FDX2: variants seen among roughly 807,000 people sequenced by gnomAD.
FDX2 encodes the protein ferredoxin 2, also known as ferredoxin-2, mitochondrial.
In FDX2, 13 loss-of-function variants were observed where a neutral mutation model predicts 18.5. That is an observed-to-expected ratio of 0.70 (90% confidence interval 0.46 to 1.12). FDX2 has a LOEUF of 1.12. FDX2 is among the 50% of genes most tolerant of loss of function. FDX2 has a pLI of 0.00. For synonymous variants in FDX2, 132 were observed against 106.2 expected, an observed-to-expected ratio of 1.24 and a Z score of -1.49; for missense variants, 238 against 250.4, an observed-to-expected ratio of 0.95 and a Z score of 0.34.
Position 10,310,496 on chromosome 19 carries a change from T to C in FDX2, c.551A>G (p.Lys184Arg). 3.1e-6 allele frequency: 5 copies of C among 1,614,154 alleles called. No individual in the cohort carries two copies. The highest frequency in any genetic ancestry group is 1.6e-4 in the Middle Eastern group (1 of 6,062). ...GTCCAGGTGTTCATGTCAGTGGGGC[T>C]TGGGGACATGGCCATCCACGTAGAA... The change falls in exon 5 of 5, where the codon AAG (lysine) becomes AGG (arginine). Residue 184 changes from lysine (K) to arginine (R), a missense_variant. Physicochemically the swap from Lys to Arg is conservative, Grantham distance 26 (BLOSUM62 2). Coordinates refer to ENST00000393708, the MANE Select transcript of FDX2 (RefSeq NM_001031734.4).
In FDX2 at chr19:10,310,339, C is replaced by T; in HGVS notation, c.*147G>A. The T allele has an allele frequency of 8.7e-7, 1 of 1,150,822 alleles. No homozygotes were observed. 71.3% of individuals were successfully genotyped at this position (1,150,822 alleles called of 1,614,324 possible). A position where few individuals can be genotyped will look rare whatever the true frequency, so the allele number is the denominator to read the frequency against. On this transcript the variant is annotated 3_prime_UTR_variant, in exon 5 of 5. Coordinates refer to ENST00000393708, the MANE Select transcript of FDX2 (RefSeq NM_001031734.4). ...TCCCCACCAGAGCCTGGACATGGGA[C>T]TCTCTCCCAAGCAGGGGTGTTGTCC...
intron 3 of FDX2, 56 bp from the exon 4 acceptor site, chr19:10,310,996 C>T: frequency 7.4e-7 from 1 of 1,344,506 alleles, no homozygotes; most frequent in African/African-American, 1.4e-5. Context: ...GAAGGGGCTG[C>T]TATGCGAATG....
In FDX2 at chr19:10,315,868, T is replaced by G. The variant is rs772798670; in HGVS notation, c.138A>C (p.Arg46Ser). ...CCCAGGTACCTGTCGCTTGAAACTT[T>G]CTGGTTGTCCCCAGCGCCACCCCCT... The change falls in exon 1 of 5, where the codon AGA (arginine) becomes AGC (serine). Residue 46 changes from arginine to serine, a missense_variant. Transcript: ENST00000393708. The G allele has an allele frequency of 6.2e-7, 1 of 1,600,762 alleles. No homozygotes were observed. Among genetic ancestry groups the G allele is most frequent in the Non-Finnish European group, 8.5e-7 (1 of 1,175,762 alleles).
At chr19:10,311,000 G>T in intron 3 of FDX2, 60 bp from the exon 4 acceptor site, 3 of 1,296,646 alleles carry the variant, frequency 2.3e-6, no homozygotes, top group Non-Finnish European at 3.3e-6. Flanking sequence ...GGGCTGCTAT[G>T]CGAATGGCGT....
intron 1 of FDX2, 38 bp downstream of exon 1, chr19:10,315,814 G>C (rs756513776): frequency 6.2e-7 from 1 of 1,600,314 alleles, no homozygotes; most frequent in Non-Finnish European, 8.5e-7. Flanking sequence ...GCCGGCATCT[G>C]ACGGATTAAC....
At chr19:10,310,786 G>A in intron 4 of FDX2, 67 bp downstream of exon 4, 2 of 1,548,698 alleles carry the variant, frequency 1.3e-6, no homozygotes, top group South Asian at 2.3e-5. Context: ...TGGAAGTGGG[G>A]AGGATGGTGG....
chr19:10,310,876 A>G lies in FDX2; in HGVS notation c.381T>C (p.Asp127=). 1 of 1,613,854 alleles carries G rather than the reference A, an allele frequency of 6.2e-7. No individual in the cohort carries two copies. The highest frequency in any genetic ancestry group is 8.5e-7 in the Non-Finnish European group (1 of 1,179,934). The change falls in exon 4 of 5, where the codon GAT becomes GAC. Residue 127 remains aspartate, a synonymous_variant. Coordinates refer to ENST00000393708, the MANE Select transcript of FDX2 (RefSeq NM_001031734.4). The stretch of plus-strand genomic sequence containing the variant: ...ACCTCTCCTCGGGAGGAGGCAGGAG[A>G]TCCAGGTGGTCTTCACTCACATACA...
At position 10,310,199 on chromosome 19, in the gene FDX2, C is replaced by T. The variant is rs2040308432; in HGVS notation, c.*287G>A. 2.2e-6 allele frequency: 1 copy of T among 451,758 alleles called. No homozygotes were observed. Among genetic ancestry groups the T allele is most frequent in the Non-Finnish European group, 4.0e-6 (1 of 247,080 alleles). The allele number at this position is 451,758 out of a possible 1,614,324, so 28.0% of individuals were successfully genotyped here. A position where few individuals can be genotyped will look rare whatever the true frequency, so the allele number is the denominator to read the frequency against. ...AGACCCCAGATCTGTCCCCCAAGGACACTCAACATGCTGGGGCCTGTGTTA... is the reference window on the plus strand; with the variant it reads ...AGACCCCAGATCTGTCCCCCAAGGATACTCAACATGCTGGGGCCTGTGTTA... On this transcript the variant is annotated 3_prime_UTR_variant, in exon 5 of 5. Transcript: ENST00000393708.
Position 10,315,930 on chromosome 19 carries a change from A to G in FDX2, c.76T>C (p.Trp26Arg), listed in dbSNP as rs747984795. ...GAAGTGCCCCCAGGTCTGTTCCACC[A>G]GGTGCCCCTGGCAGCCTGCAGTAGA... Residue 26 changes from tryptophan to arginine, a missense_variant, in exon 1 of 5, where the codon TGG (tryptophan) becomes CGG (arginine). Transcript: ENST00000393708. The G allele has an allele frequency of 6.3e-7, 1 of 1,588,898 alleles. No individual in the cohort carries two copies. The highest frequency in any genetic ancestry group is 8.6e-7 in the Non-Finnish European group (1 of 1,169,000).
chr19:10,315,665 C>T (rs200566733), intron 2 of FDX2, 40 bp downstream of exon 2: 4 of 1,541,838 alleles, frequency 2.6e-6, no homozygotes, highest in East Asian at 4.9e-5. Flanking sequence ...AGAGGAATTC[C>T]GTGGGATGAG....
Position 10,315,775 on chromosome 19 carries a change from C to T in FDX2, c.155-16G>A, listed in dbSNP as rs372277831. ...GGGCGCGAGCCTGGAAAACACGGTT[C>T]GGTGAGCGGCTGCGCCGAGCCCCGC... On this transcript the variant is annotated splice_polypyrimidine_tract_variant and intron_variant, in intron 1 of 4. Transcript: ENST00000393708. The T allele has an allele frequency of 6.2e-6, 10 of 1,602,640 alleles. No homozygotes were observed. In the South Asian group the frequency reaches 8.9e-5, roughly 14 times the overall value.
chr19:10,315,567 G>C, intron 2 of FDX2, 75 bp from the exon 3 acceptor site: 1 of 1,554,830 alleles, frequency 6.4e-7, no homozygotes, highest in East Asian at 2.3e-5. Flanking sequence ...GGGTTAGGAA[G>C]TAGGAATTGA....
intron 3 of FDX2, among the ~76,000 whole-genome samples, chr19:10,313,025 C>T (rs2040339365): frequency 6.6e-6 from 1 of 152,202 alleles, no homozygotes; most frequent in Non-Finnish European, 1.5e-5. Flanking sequence ...GTAATCCCAG[C>T]TACTCGGGAG....
Position 10,312,618 on chromosome 19 carries a change from C to T in FDX2, c.317-1678G>A, listed in dbSNP as rs537925707. 8.5e-5 allele frequency among the ~76,000 whole-genome samples: 13 copies of T among 152,244 alleles called. No individual in the cohort carries two copies. The East Asian group carries it at 1.9e-3, about 23-fold the overall frequency. On this transcript the variant is annotated intron_variant, in intron 3 of 4. Transcript: ENST00000393708. ...CGTGATCTCGGCTCACTACAAGCTC[C>T]GCTTCCCGGATTCACGCCATTCTCC...
chr19:10,310,892 C>T lies in FDX2; in HGVS notation c.365G>A (p.Ser122Asn). 6.2e-7 allele frequency: 1 copy of T among 1,613,850 alleles called. No homozygotes were observed. Among genetic ancestry groups the T allele is most frequent in the Non-Finnish European group, 8.5e-7 (1 of 1,179,904 alleles). ...AGGCAGGAGATCCAGGTGGTCTTCA[C>T]TCACATACACATGGCAGGTGGAGCA... The change falls in exon 4 of 5, where the codon AGT (serine) becomes AAT (asparagine). Residue 122 changes from serine (S) to asparagine (N), a missense_variant. By Grantham distance (46) the Ser-to-Asn change is conservative. Coordinates refer to ENST00000393708, the MANE Select transcript of FDX2 (RefSeq NM_001031734.4).
chr19:10,312,157 A>G (rs1009479465), intron 3 of FDX2, among the ~76,000 whole-genome samples: 2 of 142,928 alleles, frequency 1.4e-5, no homozygotes, highest in African/African-American at 2.6e-5. Context: ...GGTGTGAGCC[A>G]CCGCACCTGG....
chr19:10,313,535 C>T (rs1001116323), intron 3 of FDX2, among the ~76,000 whole-genome samples: 19 of 151,092 alleles, frequency 1.3e-4, no homozygotes, highest in African/African-American at 4.6e-4. Flanking sequence ...GCCCTTAGAC[C>T]AGGTCTACTT....
In FDX2 at chr19:10,310,321, C is replaced by A; in HGVS notation, c.*165G>T. The A allele has an allele frequency of 4.9e-6, 5 of 1,025,994 alleles. No individual in the cohort carries two copies. Among genetic ancestry groups the A allele is most frequent in the Non-Finnish European group, 7.0e-6 (5 of 713,452 alleles). 63.6% of individuals were successfully genotyped at this position (1,025,994 alleles called of 1,614,324 possible). On this transcript the variant is annotated 3_prime_UTR_variant, in exon 5 of 5. Coordinates refer to ENST00000393708, the MANE Select transcript of FDX2 (RefSeq NM_001031734.4). ...ACCCCACTAGGGGCCCTGTCCCCAC[C>A]AGAGCCTGGACATGGGACTCTCTCC...
chr19:10,315,316 TGG>T lies in FDX2; in HGVS notation c.316+68_316+69del, dbSNP rs138235551. The T allele has an allele frequency of 0.16, 105,882 of 677,262 alleles. 12,819 individuals carry two copies. Among genetic ancestry groups the T allele is most frequent in the Admixed American group, 0.26 (7,695 of 29,984 alleles). The allele number at this position is 677,262 out of a possible 1,614,324, so 42.0% of individuals were successfully genotyped here. A position where few individuals can be genotyped will look rare whatever the true frequency, so the allele number is the denominator to read the frequency against. ...GACGTGAAGAGACACACCTAATTTG[TGG>T]GTTTTTTTTTTTTTTTTTTTGGACA... On this transcript the variant is annotated intron_variant, in intron 3 of 4. Coordinates refer to ENST00000393708, the MANE Select transcript of FDX2 (RefSeq NM_001031734.4).
Sources: gnomAD v4.1 joint callset for allele counts (sites outside exome capture counted in the v4.1 genomes callset) on GRCh38, gnomAD v4.1.1 for gene constraint, MANE v1.5 for transcripts, NCBI Gene and HGNC (gene_info 2026-07-23, HGNC 2026-07-21) for gene names.